The following CASP5 variants were observed in gnomAD, a reference collection of about 807,000 sequenced individuals.
CASP5 encodes caspase-5.
In CASP5, 42 loss-of-function variants were observed where a neutral mutation model predicts 45.2. The ratio of observed to expected loss-of-function variants is 0.93; its 90% CI spans 0.73 to 1.20. CASP5 has a LOEUF of 1.20. Among genes scored for constraint, CASP5 ranks in the 50% most tolerant of loss-of-function variants. CASP5 has a pLI of 0.00. For missense variants in CASP5, 512 were observed against 532.2 expected (o/e 0.96, Z 0.37); for synonymous variants, 209 against 186.2 (o/e 1.12, Z -1.00).
At chr11:104,997,330 A>T in intron 8 of CASP5, 53 bp downstream of exon 8, 1 of 1,275,914 alleles carries the variant, frequency 7.8e-7, no homozygotes. Flanking sequence ...GAATAATGAT[A>T]AATTCTTTCT....
intron 1 of CASP5, among the ~76,000 whole-genome samples, chr11:105,015,242 A>T (rs1016886118): frequency 2.0e-5 from 3 of 152,212 alleles, no homozygotes; most frequent in African/African-American, 7.2e-5. Context: ...CCTTTTCTAG[A>T]CACCTTCCTC....
chr11:105,009,121 C>A (rs1453870260), intron 1 of CASP5, 141 bp from the exon 2 acceptor site: 2 of 707,784 alleles, frequency 2.8e-6, no homozygotes, highest in Non-Finnish European at 2.3e-6. Flanking sequence ...CTCATTATTT[C>A]TTTGTACCTG....
chr11:105,007,406 C>G, intron 2 of CASP5, 72 bp from the exon 3 acceptor site: 1 of 1,379,746 alleles, frequency 7.2e-7, no homozygotes, highest in Non-Finnish European at 9.8e-7. Flanking sequence ...TAAGACATAA[C>G]TCTGTAATAT....
intron 8 of CASP5, among the ~76,000 whole-genome samples, chr11:104,996,635 A>G (rs1861480845): frequency 6.6e-6 from 1 of 152,214 alleles, no homozygotes; most frequent in Admixed American, 6.5e-5. Flanking sequence ...TATTCAATAT[A>G]TATTAATTGA....
At chr11:105,009,447 A>G (rs45580939) in intron 1 of CASP5, among the ~76,000 whole-genome samples, 8,435 of 151,636 alleles carry the variant, frequency 0.056, 712 homozygotes, top group African/African-American at 0.19. Flanking sequence ...GTTTTTTAAC[A>G]CACAAGCTAT....
chr11:105,017,246 G>A (rs1477135003), intron 1 of CASP5, among the ~76,000 whole-genome samples: 2 of 152,336 alleles, frequency 1.3e-5, no homozygotes, highest in East Asian at 3.9e-4. Flanking sequence ...AAAAAGCAGA[G>A]CGACTCTCCT....
chr11:105,022,259 A>T (rs1863007274), intron 1 of CASP5, among the ~76,000 whole-genome samples: 1 of 151,668 alleles, frequency 6.6e-6, no homozygotes, highest in Non-Finnish European at 1.5e-5. Context: ...ATGTATACAT[A>T]TGTAACTAAC....
intron 7 of CASP5, among the ~76,000 whole-genome samples, chr11:104,997,699 T>G (rs1443752970): frequency 6.6e-6 from 1 of 152,200 alleles, no homozygotes; most frequent in African/African-American, 2.4e-5. Context: ...TGCAAGAGAT[T>G]GCATAGTGAT....
rs1388743644 is a variant in CASP5, at chr11:105,009,806, T to C, written c.8-826A>G. Among the ~76,000 whole-genome samples the C allele has an allele frequency of 1.3e-3, 133 of 105,366 alleles. 4 individuals are homozygous for C. Among genetic ancestry groups the C allele is most frequent in the South Asian group, 5.5e-3 (21 of 3,786 alleles). 69.1% of individuals were successfully genotyped at this position (105,366 alleles called of 152,430 possible). A position where few individuals can be genotyped will look rare whatever the true frequency, so the allele number is the denominator to read the frequency against. On this transcript the variant is annotated intron_variant, in intron 1 of 9. Coordinates refer to ENST00000260315, the MANE Select transcript of CASP5 (RefSeq NM_004347.5). ...ATATATACACACGTATATATATATA[T>C]ACACACACATATATATATACACATA...
At chr11:105,017,030 C>A (rs1311320409) in intron 1 of CASP5, among the ~76,000 whole-genome samples, 1 of 151,552 alleles carries the variant, frequency 6.6e-6, no homozygotes, top group South Asian at 2.1e-4. Context: ...CTGGGAGGCA[C>A]CCCCCAGCAG....
At position 105,011,982 on chromosome 11, in the gene CASP5, A is replaced by T. The variant is rs1288544272; in HGVS notation, c.8-3002T>A. ...ATTATTTAAAAATTCAAATAGCCAAAGCATCCTTGAGTAAAGAACAAAACT... is the reference window on the plus strand; with the variant it reads ...ATTATTTAAAAATTCAAATAGCCAATGCATCCTTGAGTAAAGAACAAAACT... On this transcript the variant is annotated intron_variant, in intron 1 of 9. Coordinates refer to ENST00000260315, the MANE Select transcript of CASP5 (RefSeq NM_004347.5). 2.0e-5 allele frequency among the ~76,000 whole-genome samples: 3 copies of T among 151,796 alleles called. No homozygotes were observed. The East Asian group carries it at 5.8e-4, about 29-fold the overall frequency.
At chr11:105,010,256 A>G (rs891261672) in intron 1 of CASP5, among the ~76,000 whole-genome samples, 1 of 151,210 alleles carries the variant, frequency 6.6e-6, no homozygotes, top group Non-Finnish European at 1.5e-5. Context: ...AAAAAGTTAC[A>G]TTTAATAAAT....
At chr11:104,997,320 G>A in intron 8 of CASP5, 63 bp downstream of exon 8, 1 of 1,170,500 alleles carries the variant, frequency 8.5e-7, no homozygotes, top group African/African-American at 1.5e-5. Context: ...TTCGATTAGT[G>A]AATAATGATA....
intron 1 of CASP5, among the ~76,000 whole-genome samples, chr11:105,017,358 C>T (rs1295986708): frequency 9.9e-5 from 15 of 152,122 alleles, no homozygotes; most frequent in Admixed American, 3.3e-4. Context: ...CAAATTACTC[C>T]GAGCTACGGG....
intron 1 of CASP5, 102 bp from the exon 2 acceptor site, chr11:105,009,082 A>G (rs1862147219): frequency 1.0e-6 from 1 of 973,788 alleles, no homozygotes; most frequent in Non-Finnish European, 1.5e-6. Flanking sequence ...TTGAAAATAC[A>G]TTCTGTCTTA....
chr11:105,014,113 G>C (rs545391), intron 1 of CASP5, among the ~76,000 whole-genome samples: 109,709 of 152,018 alleles, frequency 0.72, 39,799 homozygotes, highest in Middle Eastern at 0.83. Flanking sequence ...ACCATGAAAC[G>C]TCTCAGCTTA....
intron 1 of CASP5, among the ~76,000 whole-genome samples, chr11:105,009,357 T>A (rs1013991698): frequency 9.9e-5 from 15 of 151,826 alleles, no homozygotes; most frequent in African/African-American, 3.4e-4. Context: ...AGACTGTAAA[T>A]TATTCCTACT....
chr11:105,019,638 A>G (rs1862835559), intron 1 of CASP5, among the ~76,000 whole-genome samples: 1 of 146,348 alleles, frequency 6.8e-6, no homozygotes, highest in Non-Finnish European at 1.5e-5. Context: ...GACCAATAAC[A>G]GGATCTGAAA....
chr11:105,016,038 T>A (rs954515769), intron 1 of CASP5, among the ~76,000 whole-genome samples: 2 of 152,180 alleles, frequency 1.3e-5, no homozygotes, highest in African/African-American at 4.8e-5. Flanking sequence ...TAGATATTTT[T>A]AAAAAGGCAA....
Sources: allele counts gnomAD v4.1 joint callset (sites outside exome capture counted in the v4.1 genomes callset), GRCh38; gene constraint gnomAD v4.1.1; transcripts MANE v1.5; gene names NCBI Gene and HGNC (gene_info 2026-07-23, HGNC 2026-07-21).